SLC1A6: variants seen among roughly 807,000 people sequenced by gnomAD.
SLC1A6 encodes solute carrier family 1 member 6.
Under a neutral mutation model 42.1 loss-of-function variants are expected in SLC1A6, and 15 were observed. That is an observed-to-expected ratio of 0.36 (90% CI 0.24 to 0.55). The LOEUF (loss-of-function observed/expected upper bound fraction) is 0.55. Ranked by LOEUF, SLC1A6 falls within the 20% of genes least tolerant of loss-of-function variation. The probability of loss-of-function intolerance (pLI) is 0.88; values close to 1 mark genes in which losing one functional copy is unlikely to be tolerated. For missense variants in SLC1A6, 542 were observed against 772.5 expected, an observed-to-expected ratio of 0.70 and a Z score of 3.54; for synonymous variants, 317 against 319.7, an observed-to-expected ratio of 0.99 and a Z score of 0.09.
In SLC1A6 at chr19:14,972,852, A is replaced by G; in HGVS notation, c.59T>C (p.Val20Ala). The G allele has an allele frequency of 6.3e-7, 1 of 1,595,532 alleles. No homozygotes were observed. The highest frequency in any genetic ancestry group is 8.5e-7 in the Non-Finnish European group (1 of 1,173,172). ...LRESGQRLGR[V>A]GWLQRLQESL... ...TTCCTGCAGCCGCTGCAGCCAGCCC[A>G]CCCGGCCCAGCCGCTGGCCGCTCTC... The change falls in exon 2 of 10, where the codon GTG becomes GCG. Residue 20 changes from valine to alanine, a missense_variant. By Grantham distance (64) the Val-to-Ala change is moderately conservative. Transcript: ENST00000594383.
Position 14,979,687 on chromosome 19 carries a change from G to C in SLC1A6, c.-386C>G, listed in dbSNP as rs1412366788. The C allele has an allele frequency of 6.6e-6, 1 of 151,274 alleles. No individual in the cohort carries two copies. The highest frequency in any genetic ancestry group is 1.9e-4 in the East Asian group (1 of 5,152). 9.4% of individuals were successfully genotyped at this position (151,274 alleles called of 1,614,324 possible). A position where few individuals can be genotyped will look rare whatever the true frequency, so the allele number is the denominator to read the frequency against. The stretch of plus-strand genomic sequence containing the variant: ...AGGCACCGGCGCGGAGCCGGGACGC[G>C]CTATGCTGCGGGAGGGATCCGGGCC... On this transcript the variant is annotated 5_prime_UTR_variant, in exon 1 of 10. Coordinates refer to ENST00000594383, the MANE Select transcript of SLC1A6 (RefSeq NM_005071.3). This position sits in a 1 kb window ranked among gnomAD's most constrained non-coding sequence, Gnocchi z 4.2.
chr19:14,961,080 T>A (rs1258974761), intron 6 of SLC1A6, among the ~76,000 whole-genome samples: 4 of 150,532 alleles, frequency 2.7e-5, no homozygotes, highest in Non-Finnish European at 5.9e-5. Flanking sequence ...CCCAGCTAAT[T>A]TTTTTTGTAT....
At chr19:15,005,503 CCTT>C (rs930376283) in intron 1 of SLC1A6, among the ~76,000 whole-genome samples, 2 of 152,040 alleles carry the variant, frequency 1.3e-5, no homozygotes, top group African/African-American at 4.8e-5. Flanking sequence ...GAGTGAAACT[CCTT>C]CTCACAAAAA....
At chr19:14,990,052 T>G (rs965576893) in intron 1 of SLC1A6, among the ~76,000 whole-genome samples, 11 of 152,008 alleles carry the variant, frequency 7.2e-5, no homozygotes, top group African/African-American at 2.7e-4. Context: ...TACCATATGA[T>G]CCTGCAGTCC....
chr19:14,962,909 C>CA (rs976017668), intron 5 of SLC1A6, among the ~76,000 whole-genome samples: 7 of 150,652 alleles, frequency 4.6e-5, no homozygotes, highest in East Asian at 1.9e-4. Context: ...CTCAAAAAAA[C>CA]AAAAAAAAAT....
At chr19:14,971,267 C>T (rs898310287) in intron 3 of SLC1A6, among the ~76,000 whole-genome samples, 1 of 152,124 alleles carries the variant, frequency 6.6e-6, no homozygotes, top group African/African-American at 2.4e-5. Flanking sequence ...TGTTTACTAT[C>T]CAGCCCTCTA....
intron 1 of SLC1A6, among the ~76,000 whole-genome samples, chr19:15,002,704 C>G (rs988906820): frequency 1.3e-5 from 2 of 152,088 alleles, no homozygotes; most frequent in Non-Finnish European, 2.9e-5. Flanking sequence ...GGCGGACAAC[C>G]AGCTAGTAAA....
At chr19:15,006,760 C>CAAAA (rs58932066) in intron 1 of SLC1A6, among the ~76,000 whole-genome samples, 1 of 133,128 alleles carries the variant, frequency 7.5e-6, no homozygotes, top group African/African-American at 2.8e-5. Context: ...CCTGTCTCTA[C>CAAAA]AAAAAAAAAA....
At chr19:14,957,264 G>GACTGAGTACCT (rs2045471714) in intron 6 of SLC1A6, among the ~76,000 whole-genome samples, 1 of 152,102 alleles carries the variant, frequency 6.6e-6, no homozygotes, top group Non-Finnish European at 1.5e-5. Flanking sequence ...CACAGATATT[G>GACTGAGTACCT]ACTGAGTACC....
intron 1 of SLC1A6, among the ~76,000 whole-genome samples, chr19:14,996,495 TTCC>T (rs147786175): frequency 1.2e-3 from 163 of 131,114 alleles, no homozygotes; most frequent in African/African-American, 3.8e-3. Context: ...CCTTCTTTCT[TTCC>T]TCCTCCTCCT....
At chr19:15,002,512 A>G (rs1363692211) in intron 1 of SLC1A6, among the ~76,000 whole-genome samples, 1 of 152,262 alleles carries the variant, frequency 6.6e-6, no homozygotes, top group South Asian at 2.1e-4. Context: ...TTTGTAACCT[A>G]ATCTCAGAAG....
At chr19:14,953,494 A>C (rs1185451752) in intron 8 of SLC1A6, among the ~76,000 whole-genome samples, 2 of 151,836 alleles carry the variant, frequency 1.3e-5, no homozygotes, top group Admixed American at 1.3e-4. Flanking sequence ...CGAACTCCTG[A>C]TCCACCCACC....
chr19:15,009,460 A>G (rs573918064), intron 1 of SLC1A6, among the ~76,000 whole-genome samples: 3 of 152,248 alleles, frequency 2.0e-5, no homozygotes, highest in African/African-American at 4.8e-5. Flanking sequence ...CTGCAGCAAC[A>G]TGGAGGGAAC....
rs1198160019 is a variant in SLC1A6, at chr19:14,979,094, ACACT to A, written c.-8+211_-8+214del. ...CACACACACACACACACACACACAC[ACACT>A]AATGCCCAGACCCTCTGCAGCCTCA... On this transcript the variant is annotated intron_variant, in intron 1 of 9. Transcript: ENST00000594383. The surrounding 1 kb of genome is among the most constrained non-coding windows in gnomAD (Gnocchi z 4.2). Among the ~76,000 whole-genome samples the A allele has an allele frequency of 1.4e-5, 2 of 143,848 alleles. No homozygotes were observed. Among genetic ancestry groups the A allele is most frequent in the African/African-American group, 5.4e-5 (2 of 37,050 alleles). 94.4% of individuals were successfully genotyped at this position (143,848 alleles called of 152,430 possible). A position where few individuals can be genotyped will look rare whatever the true frequency, so the allele number is the denominator to read the frequency against.
chr19:14,956,436 G>T, intron 7 of SLC1A6, 40 bp downstream of exon 7: 1 of 1,365,028 alleles, frequency 7.3e-7, no homozygotes, highest in Non-Finnish European at 1.0e-6. Context: ...GACAAGAAGT[G>T]CAACCAGGAA....
intron 7 of SLC1A6, among the ~76,000 whole-genome samples, chr19:14,954,736 A>T (rs2045446077): frequency 6.6e-6 from 1 of 152,148 alleles, no homozygotes. Context: ...AACATTTCAG[A>T]GGCTGATAAC....
At chr19:14,998,854 A>ATATTTATT (rs1568301708) in intron 1 of SLC1A6, among the ~76,000 whole-genome samples, 6 of 99,330 alleles carry the variant, frequency 6.0e-5, no homozygotes, top group African/African-American at 2.1e-4. Context: ...CTGATAAGAA[A>ATATTTATT]CATTTATTTA....
chr19:14,988,034 G>C (rs8106035), intron 1 of SLC1A6, among the ~76,000 whole-genome samples: 26,220 of 151,840 alleles, frequency 0.17, 3,315 homozygotes, highest in African/African-American at 0.36. Context: ...TCAGCCGGGC[G>C]TGGTGGTGCA....
chr19:14,957,386 C>T (rs2045472688), intron 6 of SLC1A6, among the ~76,000 whole-genome samples: 1 of 152,166 alleles, frequency 6.6e-6, no homozygotes, highest in Non-Finnish European at 1.5e-5. Flanking sequence ...GAGATCCTAA[C>T]CCCCAATGGG....
Sources: gnomAD v4.1 joint callset for allele counts (sites outside exome capture counted in the v4.1 genomes callset) on GRCh38, gnomAD v4.1.1 for gene constraint, Gnocchi (gnomAD v3.1) non-coding constraint, MANE v1.5 for transcripts, NCBI Gene and HGNC (gene_info 2026-07-23, HGNC 2026-07-21) for gene names.